Variants in PAIP2B observed in about 807,000 individuals in gnomAD.
The protein encoded by PAIP2B is poly(A) binding protein interacting protein 2B.
Under a neutral mutation model 17.0 loss-of-function variants are expected in PAIP2B, and 13 were observed. That is an observed-to-expected ratio of 0.76 (90% CI 0.50 to 1.22). The LOEUF is 1.22. Among genes scored for constraint, PAIP2B ranks in the 50% most tolerant of loss-of-function variants. The pLI is 0.00. For missense variants in PAIP2B, 117 were observed against 144.5 expected, an observed-to-expected ratio of 0.81 and a Z score of 0.98; for synonymous variants, 43 against 48.7, an observed-to-expected ratio of 0.88 and a Z score of 0.48.
Position 71,187,540 on chromosome 2 carries a change from G to C in PAIP2B, c.*939C>G, listed in dbSNP as rs1674569913. ...AATTAAGACACCAGGAAGACCAAGT[G>C]TTGATGAGGCTGGAAAAAAAAACTG... is the stretch of plus-strand genomic sequence containing the variant. On this transcript the variant is annotated 3_prime_UTR_variant, in exon 4 of 4. Coordinates refer to ENST00000244221, the MANE Select transcript of PAIP2B (RefSeq NM_020459.1). 6.6e-6 allele frequency: 1 copy of C among 152,168 alleles called. No homozygotes were observed. Among genetic ancestry groups the C allele is most frequent in the African/African-American group, 2.4e-5 (1 of 41,428 alleles). The allele number at this position is 152,168 out of a possible 1,614,324, so 9.4% of individuals were successfully genotyped here. A position where few individuals can be genotyped will look rare whatever the true frequency, so the allele number is the denominator to read the frequency against.
chr2:71,190,226 G>A (rs916515378), intron 2 of PAIP2B, among the ~76,000 whole-genome samples: 2 of 152,042 alleles, frequency 1.3e-5, no homozygotes, highest in African/African-American at 4.8e-5. Flanking sequence ...TTTGAGACCA[G>A]CCTGAGCAAC....
At chr2:71,211,066 G>A (rs1675282594) in intron 1 of PAIP2B, among the ~76,000 whole-genome samples, 1 of 152,162 alleles carries the variant, frequency 6.6e-6, no homozygotes, top group Admixed American at 6.5e-5. Flanking sequence ...GGCCAACATG[G>A]TGAAACCCCG....
At chr2:71,199,175 A>T (rs1279701401) in intron 2 of PAIP2B, among the ~76,000 whole-genome samples, 1 of 152,030 alleles carries the variant, frequency 6.6e-6, no homozygotes, top group Non-Finnish European at 1.5e-5. Flanking sequence ...TTTAATTCAG[A>T]TGTTTCTCTT....
Position 71,223,741 on chromosome 2 carries a change from C to A in PAIP2B, c.-12+3187G>T, listed in dbSNP as rs76080444. Among the ~76,000 whole-genome samples the A allele has an allele frequency of 4.1e-3, 618 of 152,226 alleles. 4 individuals carry two copies. The highest frequency in any genetic ancestry group is 0.014 in the African/African-American group (593 of 41,540). On this transcript the variant is annotated intron_variant, in intron 1 of 3. Transcript: ENST00000244221. ...CATGAACCACCACGCTCAGCCGAGT[C>A]TGACTTATGGTAAGTGCTTAATATA...
chr2:71,189,100 C>T (rs1421887695), intron 3 of PAIP2B, among the ~76,000 whole-genome samples: 1 of 150,412 alleles, frequency 6.6e-6, no homozygotes, highest in Non-Finnish European at 1.5e-5. Flanking sequence ...CCGCCTCCCT[C>T]TGCCTCCCAG....
intron 1 of PAIP2B, among the ~76,000 whole-genome samples, chr2:71,215,419 C>T (rs1675403602): frequency 6.6e-6 from 1 of 152,162 alleles, no homozygotes; most frequent in Non-Finnish European, 1.5e-5. Flanking sequence ...AGAAAACAGT[C>T]TGGGTTGTTT....
At chr2:71,221,608 G>T (rs1349420904) in intron 1 of PAIP2B, among the ~76,000 whole-genome samples, 2 of 152,158 alleles carry the variant, frequency 1.3e-5, no homozygotes, top group Admixed American at 6.5e-5. Flanking sequence ...TACCTTGTTA[G>T]ATTCTTTATT....
intron 1 of PAIP2B, among the ~76,000 whole-genome samples, chr2:71,225,345 C>T (rs890793118): frequency 3.9e-5 from 6 of 152,170 alleles, no homozygotes; most frequent in Non-Finnish European, 8.8e-5. Context: ...CATACTGATA[C>T]ATACATTACA....
rs1246105568 is a variant in PAIP2B at position 71,187,216 on chromosome 2, A to G, written c.*1263T>C. On this transcript the variant is annotated 3_prime_UTR_variant, in exon 4 of 4. Transcript: ENST00000244221. The stretch of plus-strand genomic sequence containing the variant: ...CCAGTTTAGTTCCTTAGGGGTAGCA[A>G]CAAAAGACCCCAGCAAGTTAAAGGC... The G allele has an allele frequency of 6.6e-6, 1 of 152,294 alleles. No homozygotes were observed. Among genetic ancestry groups the G allele is most frequent in the African/African-American group, 2.4e-5 (1 of 41,470 alleles). 9.4% of individuals were successfully genotyped at this position (152,294 alleles called of 1,614,324 possible).
chr2:71,212,504 A>G (rs1558781033), intron 1 of PAIP2B, among the ~76,000 whole-genome samples: 2 of 152,242 alleles, frequency 1.3e-5, no homozygotes, highest in Non-Finnish European at 2.9e-5. Context: ...CTTAGGGGTT[A>G]GGATCTGTAA....
At chr2:71,226,676 CG>C (rs1209490641) in intron 1 of PAIP2B, among the ~76,000 whole-genome samples, 3 of 150,836 alleles carry the variant, frequency 2.0e-5, no homozygotes, top group African/African-American at 7.3e-5. Flanking sequence ...AGCACCTGTG[CG>C]GGGGGGAAAG....
At chr2:71,191,385 A>T (rs1016885810) in intron 2 of PAIP2B, among the ~76,000 whole-genome samples, 1 of 152,220 alleles carries the variant, frequency 6.6e-6, no homozygotes, top group Admixed American at 6.5e-5. Flanking sequence ...CCCTGACTCT[A>T]TGAGAGCATA....
Position 71,202,525 on chromosome 2 carries a change from C to A in PAIP2B, c.65G>T (p.Ser22Ile), listed in dbSNP as rs1318562542. The A allele has an allele frequency of 6.2e-7, 1 of 1,613,748 alleles. No homozygotes were observed. Among genetic ancestry groups the A allele is most frequent in the African/African-American group, 1.3e-5 (1 of 74,934 alleles). ...TGGGTTTTCCTTTTCATCGTGCCCA[C>A]TTAACCCCTGGTCCTCTTTGGATTT... ...SVKSKEDQGL[S>I]GHDEKENPFA... Residue 22 changes from serine (S) to isoleucine (I), a missense_variant, in exon 2 of 4, where the codon AGT becomes ATT. Coordinates refer to ENST00000244221, the MANE Select transcript of PAIP2B (RefSeq NM_020459.1).
At chr2:71,221,121 C>A (rs1184023843) in intron 1 of PAIP2B, among the ~76,000 whole-genome samples, 1 of 152,258 alleles carries the variant, frequency 6.6e-6, no homozygotes, top group African/African-American at 2.4e-5. Flanking sequence ...TATACTCTTT[C>A]CCTAAAACTT....
Position 71,188,505 on chromosome 2 carries a change from C to A in PAIP2B, c.346G>T (p.Glu116Ter). 1.9e-6 allele frequency: 3 copies of A among 1,610,584 alleles called. No homozygotes were observed. The highest frequency in any genetic ancestry group is 2.5e-6 in the Non-Finnish European group (3 of 1,178,414). ...CAGTACTTCTCTCCTGGAATAAACTCCTTGGCATCTGGGTTCAGGTTACTT... is the reference window on the plus strand; with the variant it reads ...CAGTACTTCTCTCCTGGAATAAACTACTTGGCATCTGGGTTCAGGTTACTT... ...SKSNLNPDAK[E>*]FIPGEKY The change falls in exon 4 of 4, where the codon GAG becomes TAG. Residue 116 changes from glutamate to a stop codon, truncating the protein, a stop_gained. Coordinates refer to ENST00000244221, the MANE Select transcript of PAIP2B (RefSeq NM_020459.1). LOFTEE classifies it high-confidence loss of function.
chr2:71,191,164 C>A (rs1279237668), intron 2 of PAIP2B, among the ~76,000 whole-genome samples: 1 of 152,084 alleles, frequency 6.6e-6, no homozygotes, highest in Non-Finnish European at 1.5e-5. Context: ...AGCTCACTAG[C>A]ACCACCACCA....
intron 1 of PAIP2B, among the ~76,000 whole-genome samples, chr2:71,222,873 T>A (rs1261714993): frequency 6.6e-6 from 1 of 152,176 alleles, no homozygotes; most frequent in East Asian, 1.9e-4. Context: ...GAGGTTGACA[T>A]GTGACAATGG....
chr2:71,206,480 C>T (rs1356628831), intron 1 of PAIP2B, among the ~76,000 whole-genome samples: 3 of 152,180 alleles, frequency 2.0e-5, no homozygotes, highest in Admixed American at 6.5e-5. Context: ...GTGCTAAGGC[C>T]TGCCAAGCAT....
At chr2:71,214,205 G>T (rs1675371785) in intron 1 of PAIP2B, among the ~76,000 whole-genome samples, 1 of 152,118 alleles carries the variant, frequency 6.6e-6, no homozygotes. Context: ...AGGTCTTTCT[G>T]GTCCCAAAGC....
Sources: gnomAD v4.1 joint callset for allele counts (sites outside exome capture counted in the v4.1 genomes callset) on GRCh38, gnomAD v4.1.1 for gene constraint, MANE v1.5 for transcripts, NCBI Gene and HGNC (gene_info 2026-07-23, HGNC 2026-07-21) for gene names.